ACTR3: variants seen among roughly 807,000 people sequenced by gnomAD.
ACTR3 encodes actin-related protein 3.
Under a neutral mutation model 56.8 loss-of-function variants are expected in ACTR3, and 12 were observed. The observed-to-expected ratio is 0.21, with a 90% CI of 0.14 to 0.34. The LOEUF (loss-of-function observed/expected upper bound fraction) is 0.34, where lower values mean the gene tolerates loss of function less well. ACTR3 is among the 10% of genes least tolerant of loss of function. The probability of loss-of-function intolerance (pLI) is 1.00; values close to 1 mark genes in which losing one functional copy is unlikely to be tolerated. For synonymous variants in ACTR3, 162 were observed against 167.4 expected (o/e 0.97, Z 0.25); for missense variants, 282 against 512.5 (o/e 0.55, Z 4.34).
At chr2:113,927,923 T>TA (rs1250350381) in intron 4 of ACTR3, among the ~76,000 whole-genome samples, 1 of 152,188 alleles carries the variant, frequency 6.6e-6, no homozygotes. Flanking sequence ...TTTCCTTTCT[T>TA]ACCTCTCCCA....
intron 6 of ACTR3, among the ~76,000 whole-genome samples, chr2:113,937,870 A>G (rs1679856005): frequency 6.6e-6 from 1 of 151,994 alleles, no homozygotes; most frequent in Non-Finnish European, 1.5e-5. Flanking sequence ...CTTCTTGTAT[A>G]TATAGTTTGT....
intron 3 of ACTR3, among the ~76,000 whole-genome samples, chr2:113,921,509 T>C (rs1158198164): frequency 6.6e-6 from 1 of 152,184 alleles, no homozygotes; most frequent in Non-Finnish European, 1.5e-5. Flanking sequence ...TTTTGTTGCC[T>C]GTGCTTCTGA....
chr2:113,946,099 A>G (rs992033194), intron 8 of ACTR3, among the ~76,000 whole-genome samples: 1 of 152,214 alleles, frequency 6.6e-6, no homozygotes, highest in African/African-American at 2.4e-5. Context: ...GCTGCAGTGA[A>G]CATACATATG....
At chr2:113,917,805 A>G (rs1360582369) in intron 3 of ACTR3, among the ~76,000 whole-genome samples, 1 of 152,184 alleles carries the variant, frequency 6.6e-6, no homozygotes, top group Non-Finnish European at 1.5e-5. Context: ...GGTGGAAAGG[A>G]AGACATTGAA....
At chr2:113,894,870 G>A (rs907526213) in intron 1 of ACTR3, among the ~76,000 whole-genome samples, 1 of 152,140 alleles carries the variant, frequency 6.6e-6, no homozygotes, top group South Asian at 2.1e-4. Context: ...TTTAAGTCCT[G>A]TGTTCTTTCT....
At position 113,902,257 on chromosome 2, in the gene ACTR3, C is replaced by T. The variant is rs564950771; in HGVS notation, c.45-10915C>T. Reference sequence around the variant, plus strand: ...AGTCCAGCCTCCTCTCTCACCTAGCCTTCTTATATTTCTACTATTATTCTT... The same window carrying T: ...AGTCCAGCCTCCTCTCTCACCTAGCTTTCTTATATTTCTACTATTATTCTT... On this transcript the variant is annotated intron_variant, in intron 1 of 11. Coordinates refer to ENST00000263238, the MANE Select transcript of ACTR3 (RefSeq NM_005721.5). 4.7e-4 allele frequency among the ~76,000 whole-genome samples: 72 copies of T among 152,164 alleles called. 1 individual carries two copies. In the South Asian group the frequency reaches 0.013, roughly 28 times the overall value.
At chr2:113,921,892 G>A (rs1475609560) in intron 3 of ACTR3, among the ~76,000 whole-genome samples, 2 of 152,134 alleles carry the variant, frequency 1.3e-5, no homozygotes, top group East Asian at 3.8e-4. Flanking sequence ...ATATCACAGG[G>A]GAAGAGAACT....
At chr2:113,932,129 C>T (rs1052291432) in intron 5 of ACTR3, among the ~76,000 whole-genome samples, 12 of 152,102 alleles carry the variant, frequency 7.9e-5, no homozygotes, top group East Asian at 1.9e-4. Context: ...TGTAACTCCA[C>T]GGTACACAGA....
At chr2:113,914,035 A>G (rs1679357203) in intron 2 of ACTR3, among the ~76,000 whole-genome samples, 1 of 152,188 alleles carries the variant, frequency 6.6e-6, no homozygotes, top group South Asian at 2.1e-4. Flanking sequence ...TCTCCTAGAC[A>G]TTTTAATTTT....
chr2:113,924,581 C>G (rs1035835800), intron 3 of ACTR3, among the ~76,000 whole-genome samples: 1 of 152,042 alleles, frequency 6.6e-6, no homozygotes, highest in Admixed American at 6.5e-5. Context: ...AGAATAAAAC[C>G]TAAATAAAAG....
At chr2:113,911,340 TAGTC>T (rs900949094) in intron 1 of ACTR3, among the ~76,000 whole-genome samples, 3 of 151,900 alleles carry the variant, frequency 2.0e-5, no homozygotes, top group Admixed American at 2.0e-4. Flanking sequence ...TTGAAGAGGT[TAGTC>T]AGTAGACCAA....
intron 1 of ACTR3, among the ~76,000 whole-genome samples, chr2:113,909,021 T>TA (rs1239175690): frequency 1.2e-4 from 19 of 152,296 alleles, no homozygotes; most frequent in African/African-American, 4.1e-4. Context: ...TCAAATGCTG[T>TA]AATTTAGCAG....
chr2:113,907,700 C>T (rs950632538), intron 1 of ACTR3, among the ~76,000 whole-genome samples: 4 of 151,998 alleles, frequency 2.6e-5, no homozygotes, highest in African/African-American at 7.3e-5. Flanking sequence ...TGGCCACGCA[C>T]GGTGGCTCAC....
intron 10 of ACTR3, chr2:113,952,856 C>G (rs1200526586): frequency 1.3e-5 from 2 of 152,146 alleles, no homozygotes; most frequent in African/African-American, 4.8e-5. Context: ...ACCAGCCCAC[C>G]CCCATTCATC....
rs1426067669 is a variant in ACTR3 at position 113,934,101 on chromosome 2, G to A, written c.433-178G>A. On this transcript the variant is annotated intron_variant, in intron 5 of 11. Coordinates refer to ENST00000263238, the MANE Select transcript of ACTR3 (RefSeq NM_005721.5). ...TAAGTTTGTCTTAATAAAATGTAGG[G>A]AGTGAGCTATTTTATTGCATAATAC... 7.2e-6 allele frequency: 4 copies of A among 553,618 alleles called. No homozygotes were observed. The Admixed American group carries it at 1.1e-4, about 15-fold the overall frequency. The allele number at this position is 553,618 out of a possible 1,614,324, so 34.3% of individuals were successfully genotyped here.
intron 7 of ACTR3, 58 bp from the exon 8 acceptor site, chr2:113,942,128 C>G: frequency 7.6e-7 from 1 of 1,316,266 alleles, no homozygotes; most frequent in South Asian, 1.6e-5. Context: ...ACATGCCATT[C>G]TTCTTTACTG....
In ACTR3 at chr2:113,902,128, G is replaced by A. The variant is rs1192887780; in HGVS notation, c.45-11044G>A. On this transcript the variant is annotated intron_variant, in intron 1 of 11. Coordinates refer to ENST00000263238, the MANE Select transcript of ACTR3 (RefSeq NM_005721.5). The stretch of plus-strand genomic sequence containing the variant: ...GAACAAAAGAGCATTATTGATGACT[G>A]TCCCCAAATCCACTTCCCCTTTCCT... 2.6e-5 allele frequency among the ~76,000 whole-genome samples: 4 copies of A among 152,108 alleles called. No individual in the cohort carries two copies. In the East Asian group the frequency reaches 7.7e-4, roughly 29 times the overall value.
chr2:113,946,615 G>A (rs1680024721), intron 8 of ACTR3, among the ~76,000 whole-genome samples: 1 of 152,098 alleles, frequency 6.6e-6, no homozygotes, highest in African/African-American at 2.4e-5. Flanking sequence ...ACCTTTGTCA[G>A]ATGTGTAATT....
chr2:113,921,318 GTTTTT>G (rs559647219), intron 3 of ACTR3, among the ~76,000 whole-genome samples: 7 of 127,296 alleles, frequency 5.5e-5, no homozygotes, highest in South Asian at 2.6e-4. Flanking sequence ...AAAAATCAGT[GTTTTT>G]TTTTTTTTTT....
Sources: gnomAD v4.1 joint callset for allele counts (sites outside exome capture counted in the v4.1 genomes callset) on GRCh38, gnomAD v4.1.1 for gene constraint, MANE v1.5 for transcripts, NCBI Gene and HGNC (gene_info 2026-07-23, HGNC 2026-07-21) for gene names.